Variants in CHDH observed in about 807,000 individuals in gnomAD.
The protein encoded by CHDH is choline dehydrogenase, mitochondrial.
Under a neutral mutation model 56.9 loss-of-function variants are expected in CHDH, and 43 were observed. That is an observed-to-expected ratio of 0.76 (90% confidence interval 0.59 to 0.97). The LOEUF (loss-of-function observed/expected upper bound fraction) is 0.97. CHDH is among the 50% of genes least tolerant of loss of function. CHDH has a pLI of 0.00. For missense variants in CHDH, 816 were observed against 821.1 expected (o/e 0.99, Z 0.08); for synonymous variants, 364 against 348.5 (o/e 1.04, Z -0.50).
At chr3:53,832,450 T>C (rs1458533380) in intron 2 of CHDH, among the ~76,000 whole-genome samples, 1 of 151,910 alleles carries the variant, frequency 6.6e-6, no homozygotes, top group African/African-American at 2.4e-5. Flanking sequence ...GAGAATGGTG[T>C]GAACCCAGGA....
chr3:53,824,636 C>T (rs2095635695), intron 2 of CHDH, among the ~76,000 whole-genome samples: 1 of 152,176 alleles, frequency 6.6e-6, no homozygotes, highest in Non-Finnish European at 1.5e-5. Context: ...ATGGGGAGCA[C>T]TAGAGGGATT....
At chr3:53,839,196 G>A (rs796543501) in intron 2 of CHDH, among the ~76,000 whole-genome samples, 6 of 152,226 alleles carry the variant, frequency 3.9e-5, no homozygotes, top group African/African-American at 1.4e-4. Context: ...GTCTGAACGG[G>A]AGAATGCAAT....
In CHDH at chr3:53,822,525, C is replaced by A; in HGVS notation, c.821G>T (p.Gly274Val). The A allele has an allele frequency of 6.2e-7, 1 of 1,613,686 alleles. No individual in the cohort carries two copies. Among genetic ancestry groups the A allele is most frequent in the Non-Finnish European group, 8.5e-7 (1 of 1,179,912 alleles). Residue 274 changes from glycine to valine, a missense_variant, in exon 4 of 9, where the codon GGC (glycine) becomes GTC (valine). Gly to Val is a moderately radical substitution (Grantham distance 109, BLOSUM62 -3). Coordinates refer to ENST00000315251, the MANE Select transcript of CHDH (RefSeq NM_018397.5). ...CTGGCCATTCTTGACATACTCCACG[C>A]CCACTGCACGGGTGCCCTCAAATAG... ...RVLFEGTRAV[G>V]VEYVKNGQSH... is the part of the protein sequence containing the mutation.
chr3:53,823,712 G>A lies in CHDH; in HGVS notation c.297C>T (p.Cys99=). 5 of 1,551,072 alleles carry A rather than the reference G, an allele frequency of 3.2e-6. No individual in the cohort carries two copies. Among genetic ancestry groups the A allele is most frequent in the Non-Finnish European group, 4.4e-6 (5 of 1,148,290 alleles). ...GGTAGCACCAGTTGTACCTGTCGTC[G>A]CACAGGTTGGCCACCAGGGCCGCGG... The part of the protein sequence containing the change: ...HMPAALVANL[C]DDRYNWCYHT... The change falls in exon 3 of 9, where the codon TGC becomes TGT. Residue 99 remains cysteine (C), a synonymous_variant. Coordinates refer to ENST00000315251, the MANE Select transcript of CHDH (RefSeq NM_018397.5).
At chr3:53,840,785 T>C (rs1698648429) in intron 2 of CHDH, 144 bp downstream of exon 2, 1 of 152,258 alleles carries the variant, frequency 6.6e-6, no homozygotes, top group African/African-American at 2.4e-5. Flanking sequence ...GGAACATCTC[T>C]GTGGCACAGG....
chr3:53,817,886 G>A lies in CHDH; in HGVS notation c.1676C>T (p.Pro559Leu). ...PSMVSGNLNA[P>L]TIMIAEKAAD... ...TGCCTTCTCTGCGATCATGATTGTG[G>A]GGGCGTTCAGGTTGCCGCTGACCAT... is the stretch of plus-strand genomic sequence containing the variant. The change falls in exon 9 of 9, where the codon CCC (proline) becomes CTC (leucine). Residue 559 changes from proline (P) to leucine (L), a missense_variant. Pro to Leu is a moderately conservative substitution (Grantham distance 98). Transcript: ENST00000315251. The A allele has an allele frequency of 6.2e-7, 1 of 1,614,178 alleles. No individual in the cohort carries two copies. Among genetic ancestry groups the A allele is most frequent in the Non-Finnish European group, 8.5e-7 (1 of 1,180,036 alleles).
intron 2 of CHDH, among the ~76,000 whole-genome samples, chr3:53,840,526 C>CA (rs35642771): frequency 0.93 from 138,457 of 148,382 alleles, 64,816 homozygotes; most frequent in East Asian, 1. Context: ...GACCTTGTCT[C>CA]AAAAAAAAAA....
Position 53,823,883 on chromosome 3 carries a change from G to C in CHDH, c.126C>G (p.Ser42Arg), listed in dbSNP as rs758979141. ...SAGSESRDEY[S>R]YVVVGAGSAG... is the part of the protein sequence containing the mutation. Reference sequence around the variant, plus strand: ...CCGAGCCCGCGCCCACCACCACATAGCTGTACTCGTCCCGGCTCTCAGAGC... The same window carrying C: ...CCGAGCCCGCGCCCACCACCACATACCTGTACTCGTCCCGGCTCTCAGAGC... Residue 42 changes from serine to arginine, a missense_variant, in exon 3 of 9, where the codon AGC becomes AGG. Physicochemically the swap from Ser to Arg is moderately radical, Grantham distance 110. Transcript: ENST00000315251. 2 of 1,589,144 alleles carry C rather than the reference G, an allele frequency of 1.3e-6. No individual in the cohort carries two copies. The highest frequency in any genetic ancestry group is 3.4e-5 in the Admixed American group (2 of 58,390).
intron 1 of CHDH, among the ~76,000 whole-genome samples, chr3:53,845,865 C>A (rs941191754): frequency 6.6e-6 from 1 of 152,244 alleles, no homozygotes; most frequent in African/African-American, 2.4e-5. Context: ...ACCGCTCTAA[C>A]CCCGCGTAGC....
Position 53,813,125 on chromosome 3 carries a change from GTTAATTTTT to G in CHDH, c.*4643_*4651del, listed in dbSNP as rs2095607822. The G allele has an allele frequency of 8.8e-6, 1 of 113,646 alleles. No individual in the cohort carries two copies. The highest frequency in any genetic ancestry group is 1.7e-5 in the Non-Finnish European group (1 of 59,336). 7.0% of individuals were successfully genotyped at this position (113,646 alleles called of 1,614,324 possible). A position where few individuals can be genotyped will look rare whatever the true frequency, so the allele number is the denominator to read the frequency against. ...ATTTTTAATAGTATACAGACAACCT[GTTAATTTTT>G]TTTTTTTTTTTTTTTTTTGTAAATA... is the stretch of plus-strand genomic sequence containing the variant. On this transcript the variant is annotated 3_prime_UTR_variant, in exon 9 of 9. Transcript: ENST00000315251.
intron 3 of CHDH, 128 bp downstream of exon 3, chr3:53,823,178 C>A (rs959406425): frequency 3.6e-6 from 3 of 832,430 alleles, no homozygotes; most frequent in Admixed American, 6.3e-5. Context: ...TCTTCCCGGT[C>A]GTGCCAGCCT....
In CHDH at chr3:53,816,607, A is replaced by G. The variant is rs766298003; in HGVS notation, c.*1170T>C. The G allele has an allele frequency of 2.6e-5, 4 of 152,148 alleles. No homozygotes were observed. Among genetic ancestry groups the G allele is most frequent in the African/African-American group, 4.8e-5 (2 of 41,414 alleles). 9.4% of individuals were successfully genotyped at this position (152,148 alleles called of 1,614,324 possible). A position where few individuals can be genotyped will look rare whatever the true frequency, so the allele number is the denominator to read the frequency against. On this transcript the variant is annotated 3_prime_UTR_variant, in exon 9 of 9. Transcript: ENST00000315251. ...TTAACCATCCTTGTCCACTGCTGGG[A>G]TGGCTCAGGCTGCCAAGTCATTTCC...
intron 2 of CHDH, among the ~76,000 whole-genome samples, chr3:53,829,994 G>A (rs1698284039): frequency 6.6e-6 from 1 of 152,104 alleles, no homozygotes; most frequent in African/African-American, 2.4e-5. Context: ...ACACTTACAA[G>A]AGCACCAGGA....
chr3:53,821,798 C>T, intron 4 of CHDH, 22 bp from the exon 5 acceptor site: 1 of 1,611,916 alleles, frequency 6.2e-7, no homozygotes, highest in Non-Finnish European at 8.5e-7. Context: ...CCAGCCAGGT[C>T]ACTCCCTGAA....
rs953515546 is a variant in CHDH, at chr3:53,833,960, T to C, written c.-60+6969A>G. The stretch of plus-strand genomic sequence containing the variant: ...ACCTGGTCCCTGTAGCACCACTGTG[T>C]GGGAGGCAAGGCTTTGGTCAACTTG... On this transcript the variant is annotated intron_variant, in intron 2 of 8. Transcript: ENST00000315251. Among the ~76,000 whole-genome samples, 10 of 152,204 alleles carry C rather than the reference T, an allele frequency of 6.6e-5. No homozygotes were observed. The East Asian group carries it at 1.9e-3, about 29-fold the overall frequency.
intron 8 of CHDH, among the ~76,000 whole-genome samples, chr3:53,818,456 T>C (rs534464713): frequency 6.6e-6 from 1 of 152,276 alleles, no homozygotes; most frequent in African/African-American, 2.4e-5. Context: ...ATCTGACTTA[T>C]CTGTAGGGCA....
intron 2 of CHDH, among the ~76,000 whole-genome samples, chr3:53,831,351 A>C (rs1186893000): frequency 6.6e-6 from 1 of 152,200 alleles, no homozygotes; most frequent in Non-Finnish European, 1.5e-5. Context: ...CCCAAAGGGA[A>C]GGCCACAAGC....
intron 2 of CHDH, among the ~76,000 whole-genome samples, chr3:53,824,903 A>T (rs1053958076): frequency 1.3e-5 from 2 of 152,104 alleles, no homozygotes. Context: ...ACAAAAGGAA[A>T]CCCTGATAAA....
intron 2 of CHDH, among the ~76,000 whole-genome samples, chr3:53,824,443 C>T (rs1403705598): frequency 1.3e-5 from 2 of 152,210 alleles, no homozygotes; most frequent in African/African-American, 4.8e-5. Context: ...TGGGCTCAGC[C>T]CCTACCATGT....
Sources: gnomAD v4.1 joint callset for allele counts (sites outside exome capture counted in the v4.1 genomes callset) on GRCh38, gnomAD v4.1.1 for gene constraint, MANE v1.5 for transcripts, NCBI Gene and HGNC (gene_info 2026-07-23, HGNC 2026-07-21) for gene names.